Variants in RDX observed in about 807,000 individuals in gnomAD.
The protein encoded by RDX is deafness, autosomal recessive 24.
In RDX, 32 loss-of-function variants were observed where a neutral mutation model predicts 83.7. The ratio of observed to expected loss-of-function variants is 0.38; its 90% CI spans 0.29 to 0.51. RDX has a LOEUF of 0.51. Among genes scored for constraint, RDX ranks in the 20% least tolerant of loss-of-function variants. The pLI, the probability that RDX is intolerant of heterozygous loss-of-function variation, is 0.87. For synonymous variants in RDX, 229 were observed against 222.7 expected, an observed-to-expected ratio of 1.03 and a Z score of -0.25; for missense variants, 600 against 689.9, an observed-to-expected ratio of 0.87 and a Z score of 1.46.
chr11:110,234,739 CT>C (rs1864773372), intron 12 of RDX, among the ~76,000 whole-genome samples: 1 of 152,046 alleles, frequency 6.6e-6, no homozygotes, highest in African/African-American at 2.4e-5. Context: ...AGTAGCATTC[CT>C]TTTGTAGTTT....
intron 10 of RDX, 79 bp from the exon 11 acceptor site, chr11:110,237,731 A>G (rs1457820328): frequency 2.7e-6 from 4 of 1,473,280 alleles, no homozygotes; most frequent in Admixed American, 1.7e-5. Flanking sequence ...AATAGTAGCA[A>G]GAAATCAAAT....
At chr11:110,265,586 C>T (rs1860004537) in intron 3 of RDX, among the ~76,000 whole-genome samples, 1 of 151,950 alleles carries the variant, frequency 6.6e-6, no homozygotes, top group Non-Finnish European at 1.5e-5. Context: ...ATATTTAGGG[C>T]AAATGGTATC....
chr11:110,219,786 T>G (rs1483762579), intron 14 of RDX, among the ~76,000 whole-genome samples: 2 of 152,200 alleles, frequency 1.3e-5, no homozygotes, highest in East Asian at 3.8e-4. Flanking sequence ...AGATGCTTAT[T>G]AGATATCAAA....
chr11:110,232,457 T>C (rs755300712), intron 13 of RDX, among the ~76,000 whole-genome samples: 32 of 152,134 alleles, frequency 2.1e-4, no homozygotes, highest in Middle Eastern at 3.2e-3. Flanking sequence ...AGATAACTTA[T>C]TGGGAAAAAA....
rs542242477 is a variant in RDX, at chr11:110,219,500, TG to T, written c.1748+12372del. ...CAAACAGGAAATCAAGAAAACAGAATGGAAGTCTTTTGCAATCATCCAGGCA... is the reference window on the plus strand; with the variant it reads ...CAAACAGGAAATCAAGAAAACAGAATGAAGTCTTTTGCAATCATCCAGGCA... On this transcript the variant is annotated intron_variant, in intron 14 of 15. Transcript: ENST00000528498. Among the ~76,000 whole-genome samples, 47 of 152,274 alleles carry T rather than the reference TG, an allele frequency of 3.1e-4. No individual in the cohort carries two copies. In the South Asian group the frequency reaches 9.7e-3, roughly 32 times the overall value.
At chr11:110,233,887 G>T (rs896942023) in intron 12 of RDX, among the ~76,000 whole-genome samples, 1 of 152,074 alleles carries the variant, frequency 6.6e-6, no homozygotes, top group African/African-American at 2.4e-5. Flanking sequence ...ACCGAATAAC[G>T]GAGGAATGAG....
At position 110,207,557 on chromosome 11, in the gene RDX, G is replaced by A. The variant is rs79054812; in HGVS notation, c.1749-7879C>T. Among the ~76,000 whole-genome samples, 217 of 152,208 alleles carry A rather than the reference G, an allele frequency of 1.4e-3. 5 individuals are homozygous for A. In the East Asian group the frequency reaches 0.039, roughly 27 times the overall value. On this transcript the variant is annotated intron_variant, in intron 14 of 15. Transcript: ENST00000528498. ...TAAAAACCTTTAACTCAGGAGGCTCGTTGGCCAAACCCAGCTTCCCATCTG... is the reference window on the plus strand; with the variant it reads ...TAAAAACCTTTAACTCAGGAGGCTCATTGGCCAAACCCAGCTTCCCATCTG...
intron 14 of RDX, among the ~76,000 whole-genome samples, chr11:110,202,790 CATT>C (rs1327872476): frequency 1.3e-5 from 2 of 151,906 alleles, no homozygotes; most frequent in African/African-American, 2.4e-5. Context: ...TGCTCAACAT[CATT>C]GAGCATCAGA....
chr11:110,292,294 GAA>G (rs113085193), intron 1 of RDX, among the ~76,000 whole-genome samples: 9 of 135,452 alleles, frequency 6.6e-5, no homozygotes, highest in African/African-American at 1.1e-4. Flanking sequence ...CCCTGTCTTG[GAA>G]AAAAAAAAAA....
intron 15 of RDX, among the ~76,000 whole-genome samples, chr11:110,198,817 C>G (rs10789754): frequency 6.6e-6 from 1 of 150,686 alleles, no homozygotes; most frequent in Admixed American, 6.6e-5. Flanking sequence ...AATCTGAATA[C>G]GTCTTTTTTT....
At chr11:110,289,685 G>A (rs1469687078) in intron 1 of RDX, among the ~76,000 whole-genome samples, 2 of 152,180 alleles carry the variant, frequency 1.3e-5, no homozygotes, top group African/African-American at 4.8e-5. Context: ...GGGAAGCCAA[G>A]GCGGGTGAAT....
chr11:110,200,812 T>C lies in RDX; in HGVS notation c.1749-1134A>G, dbSNP rs756887029. ...GGCCAGAAATAATTCGATGGTTCAA[T>C]AGTACCTGAAATTTAAGAACATTTT... On this transcript the variant is annotated intron_variant, in intron 14 of 15. Coordinates refer to the RDX transcript ENST00000528498. Among the ~76,000 whole-genome samples the C allele has an allele frequency of 1.1e-4, 16 of 152,338 alleles. No homozygotes were observed. The South Asian group carries it at 2.3e-3, about 22-fold the overall frequency.
intron 1 of RDX, among the ~76,000 whole-genome samples, chr11:110,291,403 G>T (rs1861236707): frequency 6.6e-6 from 1 of 152,144 alleles, no homozygotes; most frequent in Admixed American, 6.5e-5. Flanking sequence ...AGTATCTATT[G>T]GGAACAGAGT....
At chr11:110,251,023 A>C (rs1336512279) in intron 9 of RDX, among the ~76,000 whole-genome samples, 2 of 152,136 alleles carry the variant, frequency 1.3e-5, no homozygotes, top group Non-Finnish European at 1.5e-5. Context: ...ACATATTTTT[A>C]TCTCTACATA....
chr11:110,213,379 A>C (rs1220955820), intron 14 of RDX, among the ~76,000 whole-genome samples: 10 of 77,834 alleles, frequency 1.3e-4, no homozygotes, highest in African/African-American at 5.6e-4. Flanking sequence ...GCTCATGGGT[A>C]GGAAGAATCA....
rs1565277552 is a variant in RDX, at chr11:110,178,707, T to TACA, written c.*32-3474_*32-3473insTGT. ...ACAGAGCACCTTCCAGGGACAGAGG[T>TACA]GTAGCCCAGCCAAAGTAGTGAGGGC... On this transcript the variant is annotated intron_variant, in intron 15 of 15. Coordinates refer to the RDX transcript ENST00000528498. Among the ~76,000 whole-genome samples, 4 of 152,144 alleles carry TACA rather than the reference T, an allele frequency of 2.6e-5. No homozygotes were observed. In the East Asian group the frequency reaches 7.7e-4, roughly 29 times the overall value.
intron 1 of RDX, among the ~76,000 whole-genome samples, chr11:110,293,123 A>T (rs1307881415): frequency 6.6e-6 from 1 of 152,238 alleles, no homozygotes; most frequent in African/African-American, 2.4e-5. Context: ...ACAAGTTAAT[A>T]AGCATCCTTT....
downstream of RDX, among the ~76,000 whole-genome samples, chr11:110,227,314 G>A (rs892878762): frequency 5.9e-5 from 9 of 151,976 alleles, no homozygotes; most frequent in African/African-American, 1.2e-4. Flanking sequence ...AATTCTGATC[G>A]CATATTACCA....
intron 14 of RDX, among the ~76,000 whole-genome samples, chr11:110,221,142 G>A (rs747457582): frequency 3.9e-5 from 6 of 152,136 alleles, no homozygotes; most frequent in Non-Finnish European, 7.3e-5. Context: ...AATGAAGAAC[G>A]TAATGTGACT....
Sources: allele counts gnomAD v4.1 joint callset (sites outside exome capture counted in the v4.1 genomes callset), GRCh38; gene constraint gnomAD v4.1.1; transcripts MANE v1.5; gene names NCBI Gene and HGNC (gene_info 2026-07-23, HGNC 2026-07-21).